The following GRIN2A variants were observed in gnomAD, a reference collection of about 807,000 sequenced individuals.
The protein encoded by GRIN2A is glutamate receptor ionotropic, NMDA 2A.
Under a neutral mutation model 113.4 loss-of-function variants are expected in GRIN2A, and 22 were observed. That is an observed-to-expected ratio of 0.19 (90% CI 0.14 to 0.28). The LOEUF is 0.28. GRIN2A is among the 10% of genes least tolerant of loss of function. The pLI is 1.00. For synonymous variants in GRIN2A, 827 were observed against 738.4 expected (o/e 1.12, Z -1.94); for missense variants, 1,502 against 1,887.0 (o/e 0.80, Z 3.78).
chr16:10,075,672 C>A (rs536009358), intron 2 of GRIN2A, among the ~76,000 whole-genome samples: 4 of 152,250 alleles, frequency 2.6e-5, no homozygotes, highest in Non-Finnish European at 5.9e-5. Context: ...CCCTACAGGG[C>A]ACCTTGATGA....
At chr16:10,022,894 A>C (rs2046751713) in intron 2 of GRIN2A, among the ~76,000 whole-genome samples, 1 of 152,188 alleles carries the variant, frequency 6.6e-6, no homozygotes, top group African/African-American at 2.4e-5. Context: ...GAACGGCACC[A>C]CTAGAAAGTA....
intron 8 of GRIN2A, 48 bp downstream of exon 8, chr16:9,834,057 A>T: frequency 6.3e-7 from 1 of 1,586,774 alleles, no homozygotes; most frequent in Non-Finnish European, 8.7e-7. Flanking sequence ...CATTAAAGGT[A>T]AATGAAATTG....
At chr16:9,947,786 T>G (rs1432974478) in intron 2 of GRIN2A, among the ~76,000 whole-genome samples, 3 of 143,726 alleles carry the variant, frequency 2.1e-5, no homozygotes, top group South Asian at 4.3e-4. Flanking sequence ...ATTTTCTCAT[T>G]TTTTTTTTTA....
At chr16:9,959,551 A>T (rs1467372031) in intron 2 of GRIN2A, among the ~76,000 whole-genome samples, 2 of 152,178 alleles carry the variant, frequency 1.3e-5, no homozygotes, top group Non-Finnish European at 2.9e-5. Context: ...TCAACTCTTC[A>T]CCTGGGATGA....
chr16:10,148,863 T>C (rs761679599), intron 2 of GRIN2A, among the ~76,000 whole-genome samples: 3 of 152,230 alleles, frequency 2.0e-5, no homozygotes, highest in Non-Finnish European at 4.4e-5. Context: ...GTGGTATATA[T>C]ACACAATGGA....
In GRIN2A at chr16:9,754,795, A is replaced by G. The variant is rs1421142197; in HGVS notation, c.*8354T>C. On this transcript the variant is annotated 3_prime_UTR_variant, in exon 13 of 13. Coordinates refer to ENST00000330684, the MANE Select transcript of GRIN2A (RefSeq NM_001134407.3). Reference sequence around the variant, plus strand: ...ATGATTGTTTTTCATGGAAAAAAAAAGACAATGTTTTCGTATTTCTGGATC... The same window carrying G: ...ATGATTGTTTTTCATGGAAAAAAAAGGACAATGTTTTCGTATTTCTGGATC... The G allele has an allele frequency of 4.5e-6, 1 of 221,902 alleles. No individual in the cohort carries two copies. The highest frequency in any genetic ancestry group is 9.0e-6 in the Non-Finnish European group (1 of 110,926). The allele number at this position is 221,902 out of a possible 1,614,324, so 13.7% of individuals were successfully genotyped here.
chr16:9,777,802 G>A (rs1040109635), intron 11 of GRIN2A, among the ~76,000 whole-genome samples: 3 of 152,310 alleles, frequency 2.0e-5, no homozygotes, highest in East Asian at 1.9e-4. Flanking sequence ...AGTGGCTCAC[G>A]CCTGTAATCC....
rs192998366 is a variant in GRIN2A at position 9,979,471 on chromosome 16, T to C, written c.415-40920A>G. 3.9e-5 allele frequency among the ~76,000 whole-genome samples: 6 copies of C among 152,312 alleles called. 1 individual carries two copies. Among genetic ancestry groups the C allele is most frequent in the African/African-American group, 1.4e-4 (6 of 41,588 alleles). ...TGTTCCCATCATCAGGACCTCCTTT[T>C]TATCCTTCAGATTTCAGCTTAAACG... On this transcript the variant is annotated intron_variant, in intron 2 of 12. Transcript: ENST00000330684.
chr16:10,084,445 G>A (rs2048046327), intron 2 of GRIN2A, among the ~76,000 whole-genome samples: 1 of 152,104 alleles, frequency 6.6e-6, no homozygotes, highest in South Asian at 2.1e-4. Flanking sequence ...CCAACACCAA[G>A]GCCACTAAGA....
chr16:9,978,122 T>C (rs1272025250), intron 2 of GRIN2A, among the ~76,000 whole-genome samples: 2 of 152,166 alleles, frequency 1.3e-5, no homozygotes, highest in African/African-American at 4.8e-5. Flanking sequence ...CTTCTAAACA[T>C]GACAATGCTA....
intron 2 of GRIN2A, among the ~76,000 whole-genome samples, chr16:10,157,471 C>G (rs2142313431): frequency 6.6e-6 from 1 of 152,232 alleles, no homozygotes; most frequent in Non-Finnish European, 1.5e-5. Context: ...AAAATACTAC[C>G]AGAGACGGGT....
At chr16:10,128,793 G>C (rs1350239906) in intron 2 of GRIN2A, among the ~76,000 whole-genome samples, 6 of 152,224 alleles carry the variant, frequency 3.9e-5, no homozygotes, top group African/African-American at 9.7e-5. Context: ...TAGCTGAGAA[G>C]TTAAAGAATT....
intron 4 of GRIN2A, among the ~76,000 whole-genome samples, chr16:9,889,941 G>C (rs569658507): frequency 6.3e-4 from 96 of 152,222 alleles, no homozygotes; most frequent in African/African-American, 2.3e-3. Flanking sequence ...GCTGGGTGTA[G>C]GATGCAAAAC....
At chr16:10,177,561 T>G (rs2050173216) in intron 2 of GRIN2A, among the ~76,000 whole-genome samples, 1 of 152,212 alleles carries the variant, frequency 6.6e-6, no homozygotes, top group East Asian at 1.9e-4. Flanking sequence ...TCTCTATTCT[T>G]TATTTCTCTG....
chr16:10,129,797 G>C (rs566365707), intron 2 of GRIN2A, among the ~76,000 whole-genome samples: 18 of 152,314 alleles, frequency 1.2e-4, no homozygotes, highest in Non-Finnish European at 2.2e-4. Flanking sequence ...TATGGGTTTT[G>C]TCATCGTTCT....
intron 11 of GRIN2A, among the ~76,000 whole-genome samples, chr16:9,778,078 C>CA (rs1277529874): frequency 6.6e-6 from 1 of 152,092 alleles, no homozygotes; most frequent in African/African-American, 2.4e-5. Flanking sequence ...ACAACAACAA[C>CA]AAAAAACCCA....
At chr16:9,966,381 G>C (rs1430834020) in intron 2 of GRIN2A, among the ~76,000 whole-genome samples, 1 of 152,056 alleles carries the variant, frequency 6.6e-6, no homozygotes, top group Non-Finnish European at 1.5e-5. Flanking sequence ...TTGGTTATCT[G>C]TTCCTGTGTT....
At chr16:10,137,707 A>C (rs1022372271) in intron 2 of GRIN2A, among the ~76,000 whole-genome samples, 1 of 152,162 alleles carries the variant, frequency 6.6e-6, no homozygotes, top group African/African-American at 2.4e-5. Context: ...TGTGTGAGAC[A>C]CTATAGTTTC....
At chr16:9,925,396 A>G (rs2044442668) in intron 3 of GRIN2A, among the ~76,000 whole-genome samples, 1 of 152,172 alleles carries the variant, frequency 6.6e-6, no homozygotes, top group Non-Finnish European at 1.5e-5. Flanking sequence ...GGCTTTAGGT[A>G]GTGTCCTCAC....
Sources: allele counts gnomAD v4.1 joint callset (sites outside exome capture counted in the v4.1 genomes callset), GRCh38; gene constraint gnomAD v4.1.1; transcripts MANE v1.5; gene names NCBI Gene and HGNC (gene_info 2026-07-23, HGNC 2026-07-21).